The following ARHGAP21 variants were observed in gnomAD, a reference collection of about 807,000 sequenced individuals.
ARHGAP21 encodes the protein Rho GTPase activating protein 21.
ARHGAP21 carries 38 observed loss-of-function variants against 164.6 expected under a neutral mutation model. That is an observed-to-expected ratio of 0.23 (90% confidence interval 0.18 to 0.30). ARHGAP21 has a LOEUF of 0.30. ARHGAP21 is among the 10% of genes least tolerant of loss of function. ARHGAP21 has a pLI of 1.00. For missense variants in ARHGAP21, 1,822 were observed against 2,370.7 expected, an observed-to-expected ratio of 0.77 and a Z score of 4.81; for synonymous variants, 766 against 857.9, an observed-to-expected ratio of 0.89 and a Z score of 1.87.
At chr10:24,717,004 G>C (rs751804008) in intron 2 of ARHGAP21, among the ~76,000 whole-genome samples, 24 of 152,180 alleles carry the variant, frequency 1.6e-4, no homozygotes, top group Non-Finnish European at 3.1e-4. Flanking sequence ...CTGATTCTGC[G>C]AGACAGAGGA....
chr10:24,623,153 C>T (rs769633519), intron 7 of ARHGAP21, among the ~76,000 whole-genome samples: 14 of 152,278 alleles, frequency 9.2e-5, no homozygotes, highest in Middle Eastern at 3.4e-3. Flanking sequence ...GATGACGAAA[C>T]GAATGCTCTA....
intron 3 of ARHGAP21, among the ~76,000 whole-genome samples, chr10:24,669,243 T>C (rs1316471596): frequency 6.6e-6 from 1 of 152,190 alleles, no homozygotes; most frequent in Non-Finnish European, 1.5e-5. Flanking sequence ...TGTAGGACAT[T>C]ACTAGAAAGA....
intron 9 of ARHGAP21, among the ~76,000 whole-genome samples, chr10:24,613,669 G>T (rs2077359430): frequency 6.6e-6 from 1 of 152,214 alleles, no homozygotes; most frequent in South Asian, 2.1e-4. Context: ...AGTCAGTGCT[G>T]ACGATGAGGG....
intron 25 of ARHGAP21, among the ~76,000 whole-genome samples, chr10:24,586,648 T>G (rs2076115082): frequency 6.6e-6 from 1 of 152,242 alleles, no homozygotes; most frequent in Admixed American, 6.5e-5. Context: ...ATAAGGGAAC[T>G]CTGGTCTTCC....
chr10:24,721,201 T>A (rs567917774), intron 2 of ARHGAP21, among the ~76,000 whole-genome samples: 102 of 151,656 alleles, frequency 6.7e-4, no homozygotes, highest in African/African-American at 2.4e-3. Flanking sequence ...AACTTCAGAG[T>A]AGTGAAAGGG....
At chr10:24,668,908 A>C (rs1386448108) in intron 3 of ARHGAP21, among the ~76,000 whole-genome samples, 1 of 152,178 alleles carries the variant, frequency 6.6e-6, no homozygotes, top group Non-Finnish European at 1.5e-5. Context: ...GCTCTTATTC[A>C]AAACAAAACA....
At chr10:24,656,006 C>T (rs1202594227) in intron 4 of ARHGAP21, among the ~76,000 whole-genome samples, 2 of 139,278 alleles carry the variant, frequency 1.4e-5, no homozygotes, top group East Asian at 4.6e-4. Context: ...AGTGAGGAGC[C>T]CCTCCGCCCG....
At chr10:24,644,937 C>A (rs1837411695) in intron 4 of ARHGAP21, among the ~76,000 whole-genome samples, 1 of 152,184 alleles carries the variant, frequency 6.6e-6, no homozygotes, top group African/African-American at 2.4e-5. Context: ...AGATACTGAA[C>A]TCTCTACAGG....
intron 2 of ARHGAP21, among the ~76,000 whole-genome samples, chr10:24,674,292 G>A (rs1489257864): frequency 6.6e-6 from 1 of 152,150 alleles, no homozygotes; most frequent in East Asian, 1.9e-4. Context: ...CCAGCACTTT[G>A]GGAGGCTAAA....
chr10:24,671,982 A>C (rs1840751615), intron 2 of ARHGAP21, among the ~76,000 whole-genome samples: 1 of 141,298 alleles, frequency 7.1e-6, no homozygotes. Context: ...CTCCTGGCTC[A>C]GCCTCCCAAA....
intron 17 of ARHGAP21, 181 bp downstream of exon 17, chr10:24,596,559 G>A (rs1380625299): frequency 1.7e-5 from 12 of 708,058 alleles, no homozygotes; most frequent in South Asian, 9.0e-5. Context: ...ATTCAATTTC[G>A]GAGTCAATAC....
intron 5 of ARHGAP21, 53 bp from the exon 6 acceptor site, chr10:24,633,533 G>A: frequency 8.4e-7 from 1 of 1,187,298 alleles, no homozygotes; most frequent in Non-Finnish European, 1.2e-6. Flanking sequence ...AGTCACTTTT[G>A]AACACTTTTG....
intron 13 of ARHGAP21, among the ~76,000 whole-genome samples, chr10:24,601,416 T>C (rs2076808090): frequency 6.6e-6 from 1 of 152,210 alleles, no homozygotes; most frequent in Non-Finnish European, 1.5e-5. Flanking sequence ...TTTCTTAAAA[T>C]TTTTAAACTC....
chr10:24,593,258 A>AGAAAGAAACTATGT lies in ARHGAP21; in HGVS notation c.3877-1260_3877-1247dup, dbSNP rs535671322. 2.4e-4 allele frequency among the ~76,000 whole-genome samples: 37 copies of AGAAAGAAACTATGT among 152,156 alleles called. No individual in the cohort carries two copies. In the East Asian group the frequency reaches 6.4e-3, roughly 26 times the overall value. On this transcript the variant is annotated intron_variant, in intron 21 of 25. Transcript: ENST00000396432. ...GATTCTTCTAGAGAGTTGGCTTGGT[A>AGAAAGAAACTATGT]GAAAGAAACTATGTGTGGGAAAGGT...
intron 4 of ARHGAP21, among the ~76,000 whole-genome samples, chr10:24,660,221 T>C (rs533662531): frequency 6.6e-6 from 1 of 151,812 alleles, no homozygotes; most frequent in South Asian, 2.1e-4. Flanking sequence ...AAATGGTCAG[T>C]ATAGTTAAAA....
intron 2 of ARHGAP21, among the ~76,000 whole-genome samples, chr10:24,721,134 C>CT (rs1283712520): frequency 1.3e-5 from 2 of 152,048 alleles, no homozygotes; most frequent in African/African-American, 2.4e-5. Context: ...ATGTTAGATG[C>CT]TAGATGCTAC....
intron 5 of ARHGAP21, 30 bp from the exon 6 acceptor site, chr10:24,633,510 A>G: frequency 6.7e-7 from 1 of 1,501,412 alleles, no homozygotes; most frequent in Non-Finnish European, 9.2e-7. Flanking sequence ...AACAAATGAG[A>G]GATCCTGCAG....
At chr10:24,652,742 A>G (rs556758056) in intron 4 of ARHGAP21, among the ~76,000 whole-genome samples, 104 of 152,322 alleles carry the variant, frequency 6.8e-4, no homozygotes, top group African/African-American at 2.4e-3. Context: ...TAGGATGATT[A>G]AAATTACAAA....
intron 6 of ARHGAP21, 118 bp from the exon 7 acceptor site, chr10:24,630,168 C>A: frequency 3.9e-6 from 2 of 506,708 alleles, no homozygotes; most frequent in East Asian, 3.4e-5. Context: ...TTCTGGTTTT[C>A]TTATATCTTA....
Sources: gnomAD v4.1 joint callset for allele counts (sites outside exome capture counted in the v4.1 genomes callset) on GRCh38, gnomAD v4.1.1 for gene constraint, MANE v1.5 for transcripts, NCBI Gene and HGNC (gene_info 2026-07-23, HGNC 2026-07-21) for gene names.